TARBP1: variants seen among roughly 807,000 people sequenced by gnomAD.
The protein encoded by TARBP1 is tRNA guanosine 2 -O-methyltransferase TARBP1, also known as tRNA (guanosine(18)-2'-O)-methyltransferase TARBP1.
In TARBP1, 144 loss-of-function variants were observed where a neutral mutation model predicts 178.6. That is an observed-to-expected ratio of 0.81 (90% CI 0.70 to 0.93). The LOEUF is 0.93. Ranked by LOEUF, TARBP1 falls within the 40% of genes least tolerant of loss-of-function variation. TARBP1 has a pLI of 0.00. For missense variants in TARBP1, 2,067 were observed against 2,011.7 expected (o/e 1.03, Z -0.53); for synonymous variants, 787 against 781.0 (o/e 1.01, Z -0.13).
At position 234,425,792 on chromosome 1, in the gene TARBP1, T is replaced by G; in HGVS notation, c.3325A>C (p.Thr1109Pro). 6.5e-7 allele frequency: 1 copy of G among 1,548,120 alleles called. No individual in the cohort carries two copies. Among genetic ancestry groups the G allele is most frequent in the Non-Finnish European group, 8.8e-7 (1 of 1,140,104 alleles). ...CTCACATAATGGTCTTCTCTCTTAGTACTAAAAAAATTAAATGATAAATTA... is the reference window on the plus strand; with the variant it reads ...CTCACATAATGGTCTTCTCTCTTAGGACTAAAAAAATTAAATGATAAATTA... ...DCAANIVMEN[T>P]KREDHYVRIC... is the part of the protein sequence containing the mutation. The change falls in exon 20 of 30, where the codon ACT (threonine) becomes CCT (proline). Residue 1109 changes from threonine (T) to proline (P), a missense_variant and splice_region_variant. By Grantham distance (38) the Thr-to-Pro change is conservative. Transcript: ENST00000040877.
chr1:234,418,342 G>T (rs1000222475), intron 21 of TARBP1, 109 bp from the exon 22 acceptor site: 6 of 950,682 alleles, frequency 6.3e-6, no homozygotes, highest in Non-Finnish European at 9.0e-6. Flanking sequence ...GTAATTTATT[G>T]GATCTACAAC....
chr1:234,447,548 C>T (rs1265739939), intron 11 of TARBP1, among the ~76,000 whole-genome samples: 1 of 151,956 alleles, frequency 6.6e-6, no homozygotes, highest in Non-Finnish European at 1.5e-5. Flanking sequence ...GTGTGAGCCA[C>T]CATGTGCAGG....
chr1:234,429,794 A>G, intron 15 of TARBP1, 117 bp from the exon 16 acceptor site: 1 of 1,178,616 alleles, frequency 8.5e-7, no homozygotes. Flanking sequence ...ACAGATATAA[A>G]TGGTCATTAT....
intron 3 of TARBP1, among the ~76,000 whole-genome samples, chr1:234,469,107 G>A (rs1219284388): frequency 1.0e-5 from 1 of 98,996 alleles, no homozygotes; most frequent in Non-Finnish European, 1.9e-5. Flanking sequence ...AAACCGCAAC[G>A]ACTTTCGCAC....
chr1:234,416,311 T>A (rs545577417), intron 22 of TARBP1, among the ~76,000 whole-genome samples: 74 of 152,268 alleles, frequency 4.9e-4, no homozygotes, highest in African/African-American at 1.7e-3. Context: ...GAGATGAAAA[T>A]TTTTGAGACG....
At chr1:234,406,819 A>C (rs909791360) in intron 23 of TARBP1, 1 of 152,310 alleles carries the variant, frequency 6.6e-6, no homozygotes, top group East Asian at 1.9e-4. Flanking sequence ...ACGGACCCAA[A>C]CTTTTAATGA....
intron 20 of TARBP1, 72 bp downstream of exon 20, chr1:234,425,601 T>TAG: frequency 2.8e-6 from 4 of 1,439,262 alleles, no homozygotes; most frequent in Non-Finnish European, 2.9e-6. Context: ...GTACATATTC[T>TAG]AGCAACATAA....
At chr1:234,423,732 T>G (rs1572275012) in intron 20 of TARBP1, among the ~76,000 whole-genome samples, 1 of 148,114 alleles carries the variant, frequency 6.8e-6, no homozygotes. Context: ...TCCTGACCCC[T>G]CTCTCTTTTT....
chr1:234,450,143 GAATA>G (rs1666598740), intron 10 of TARBP1, among the ~76,000 whole-genome samples: 1 of 148,950 alleles, frequency 6.7e-6, no homozygotes, highest in South Asian at 2.1e-4. Context: ...AGTAATTGCA[GAATA>G]AATAAATGAC....
At chr1:234,443,290 CA>C (rs1254089749) in intron 12 of TARBP1, among the ~76,000 whole-genome samples, 3,498 of 76,208 alleles carry the variant, frequency 0.046, 109 homozygotes, top group East Asian at 0.14. Context: ...AACTCCGTCT[CA>C]AAAAAAAAAA....
chr1:234,394,959 G>T (rs1320175677), intron 26 of TARBP1, among the ~76,000 whole-genome samples: 1 of 151,904 alleles, frequency 6.6e-6, no homozygotes, highest in Non-Finnish European at 1.5e-5. Flanking sequence ...TGTGGTGGTG[G>T]ACGCCTATAA....
intron 9 of TARBP1, among the ~76,000 whole-genome samples, chr1:234,455,809 C>A (rs558997448): frequency 6.6e-6 from 1 of 151,390 alleles, no homozygotes; most frequent in South Asian, 2.1e-4. Flanking sequence ...CTTGTCAATA[C>A]CCTCAATATA....
chr1:234,422,932 G>T (rs1663279320), intron 20 of TARBP1, among the ~76,000 whole-genome samples: 1 of 152,034 alleles, frequency 6.6e-6, no homozygotes, highest in African/African-American at 2.4e-5. Flanking sequence ...CTTCATTATT[G>T]CTAGACCAAT....
In TARBP1 at chr1:234,435,881, T is replaced by C. The variant is rs187056606; in HGVS notation, c.2232+1394A>G. ...GGTAGGCTGAAATCGGCCGTGGAAATTGGTAAATACTACAGAGGCAGGCTC... is the reference window on the plus strand; with the variant it reads ...GGTAGGCTGAAATCGGCCGTGGAAACTGGTAAATACTACAGAGGCAGGCTC... On this transcript the variant is annotated intron_variant, in intron 13 of 29. Transcript: ENST00000040877. Among the ~76,000 whole-genome samples the C allele has an allele frequency of 2.3e-4, 35 of 152,242 alleles. 1 individual carries two copies. Among genetic ancestry groups the C allele is most frequent in the Admixed American group, 3.3e-4 (5 of 15,292 alleles).
intron 22 of TARBP1, among the ~76,000 whole-genome samples, chr1:234,412,468 C>T (rs1242340089): frequency 6.7e-6 from 1 of 150,156 alleles, no homozygotes; most frequent in East Asian, 1.9e-4. Context: ...TGGCTCATGA[C>T]CAGCCCAGGC....
chr1:234,461,409 G>A (rs139165139), intron 6 of TARBP1, among the ~76,000 whole-genome samples: 1,855 of 152,326 alleles, frequency 0.012, 15 homozygotes, highest in Middle Eastern at 0.044. Flanking sequence ...CTGGGTTCAA[G>A]TGATTCTCCT....
intron 22 of TARBP1, among the ~76,000 whole-genome samples, chr1:234,413,722 C>G (rs947831545): frequency 1.3e-5 from 2 of 152,102 alleles, no homozygotes; most frequent in African/African-American, 4.8e-5. Context: ...CCATGGAAAC[C>G]CTGCCTGGGC....
chr1:234,462,576 C>T (rs1667969761), intron 6 of TARBP1, among the ~76,000 whole-genome samples: 1 of 151,920 alleles, frequency 6.6e-6, no homozygotes, highest in Non-Finnish European at 1.5e-5. Flanking sequence ...GTAGTCCCAG[C>T]TACTCGGGAG....
At chr1:234,440,519 A>G (rs190207315) in intron 12 of TARBP1, among the ~76,000 whole-genome samples, 4 of 152,268 alleles carry the variant, frequency 2.6e-5, no homozygotes, top group African/African-American at 4.8e-5. Context: ...TATCACTATT[A>G]GGAATAAAAA....
Sources: gnomAD v4.1 joint callset for allele counts (sites outside exome capture counted in the v4.1 genomes callset) on GRCh38, gnomAD v4.1.1 for gene constraint, MANE v1.5 for transcripts, NCBI Gene and HGNC (gene_info 2026-07-23, HGNC 2026-07-21) for gene names.